The following TRAPPC9 variants were observed in gnomAD, a reference collection of about 807,000 sequenced individuals.
TRAPPC9 encodes trafficking protein particle complex subunit 9.
Under a neutral mutation model 124.0 loss-of-function variants are expected in TRAPPC9, and 83 were observed. The ratio of observed to expected loss-of-function variants is 0.67; its 90% CI spans 0.56 to 0.80. The LOEUF is 0.80. Among genes scored for constraint, TRAPPC9 ranks in the 30% least tolerant of loss-of-function variants. The pLI is 0.00. For missense variants in TRAPPC9, 1,302 were observed against 1,508.3 expected (o/e 0.86, Z 2.27); for synonymous variants, 638 against 617.5 (o/e 1.03, Z -0.49).
chr8:139,986,003 G>A (rs1394341807), intron 19 of TRAPPC9, among the ~76,000 whole-genome samples: 1 of 152,162 alleles, frequency 6.6e-6, no homozygotes, highest in Admixed American at 6.5e-5. Context: ...CCAGCACTTT[G>A]GGAGGCCGAG....
At chr8:140,057,879 G>A (rs927165298) in intron 17 of TRAPPC9, among the ~76,000 whole-genome samples, 1 of 152,218 alleles carries the variant, frequency 6.6e-6, no homozygotes, top group Non-Finnish European at 1.5e-5. Flanking sequence ...CATACATGCA[G>A]TAGGTGGCCC....
At chr8:139,853,324 G>A (rs144175748) in intron 21 of TRAPPC9, among the ~76,000 whole-genome samples, 13 of 152,292 alleles carry the variant, frequency 8.5e-5, no homozygotes, top group Admixed American at 1.3e-4. Flanking sequence ...GAGGCCAAGC[G>A]ATCAGAGGCA....
intron 16 of TRAPPC9, among the ~76,000 whole-genome samples, chr8:140,251,992 A>T (rs1310457865): frequency 2.0e-5 from 3 of 151,974 alleles, no homozygotes; most frequent in Admixed American, 1.3e-4. Context: ...CCTCCAAATG[A>T]ATGCTTCATA....
At position 140,405,658 on chromosome 8, in the gene TRAPPC9, A is replaced by G. The variant is rs1163959931; in HGVS notation, c.927T>C (p.Thr309=). The G allele has an allele frequency of 6.2e-7, 1 of 1,614,086 alleles. No homozygotes were observed. Among genetic ancestry groups the G allele is most frequent in the South Asian group, 1.1e-5 (1 of 91,092 alleles). ...GGCAGTTCTTAGCACGTCCGATCTCAGTACTGGTGTCAGGGTTGATGCCAT... is the reference window on the plus strand; with the variant it reads ...GGCAGTTCTTAGCACGTCCGATCTCGGTACTGGTGTCAGGGTTGATGCCAT... ...TTNGINPDTS[T]EIGRAKNCLS... Residue 309 remains threonine (T), a synonymous_variant, in exon 6 of 23, where the codon ACT becomes ACC. Transcript: ENST00000438773.
chr8:140,387,043 C>A (rs2068773420), intron 7 of TRAPPC9, among the ~76,000 whole-genome samples: 1 of 152,072 alleles, frequency 6.6e-6, no homozygotes, highest in Admixed American at 6.6e-5. Context: ...TTTTTACAAA[C>A]CTGACAAAAA....
chr8:139,954,056 T>C (rs1477745626), intron 19 of TRAPPC9, among the ~76,000 whole-genome samples: 2 of 152,112 alleles, frequency 1.3e-5, no homozygotes, highest in Admixed American at 6.5e-5. Flanking sequence ...TCCATCCCCA[T>C]ATTAATAGAA....
At chr8:139,899,556 A>G (rs913385578) in intron 20 of TRAPPC9, among the ~76,000 whole-genome samples, 2 of 152,122 alleles carry the variant, frequency 1.3e-5, no homozygotes, top group African/African-American at 4.8e-5. Flanking sequence ...GAAAATCTGC[A>G]TGTAAGTGGA....
intron 17 of TRAPPC9, among the ~76,000 whole-genome samples, chr8:140,071,859 G>A (rs1211762601): frequency 6.6e-6 from 1 of 152,190 alleles, no homozygotes; most frequent in Non-Finnish European, 1.5e-5. Flanking sequence ...AAGCAGTAGG[G>A]AAAAGACAAC....
At chr8:140,243,106 C>T (rs949667634) in intron 16 of TRAPPC9, among the ~76,000 whole-genome samples, 15 of 152,152 alleles carry the variant, frequency 9.9e-5, no homozygotes, top group African/African-American at 3.6e-4. Context: ...CCAGCGCCCA[C>T]AGAAAGGGAT....
intron 21 of TRAPPC9, among the ~76,000 whole-genome samples, chr8:139,846,835 G>A (rs1827118681): frequency 6.6e-6 from 1 of 152,214 alleles, no homozygotes; most frequent in African/African-American, 2.4e-5. Context: ...GGGTGAGCAG[G>A]CGCAGGTAGT....
chr8:139,738,160 C>T (rs771089697), intron 21 of TRAPPC9, among the ~76,000 whole-genome samples: 7 of 152,176 alleles, frequency 4.6e-5, no homozygotes, highest in African/African-American at 7.2e-5. Flanking sequence ...AATGCCCTAT[C>T]CCAGGGAAGC....
chr8:139,801,634 C>T (rs901809569), intron 21 of TRAPPC9, among the ~76,000 whole-genome samples: 1 of 152,192 alleles, frequency 6.6e-6, no homozygotes, highest in Non-Finnish European at 1.5e-5. Context: ...GGTTATCAAC[C>T]GGGATTCCTG....
intron 21 of TRAPPC9, chr8:139,881,157 G>T (rs941342288): frequency 1.3e-5 from 2 of 152,290 alleles, no homozygotes; most frequent in African/African-American, 4.8e-5. Context: ...CCCTCCCGAG[G>T]TTCCTCTGGT....
At chr8:140,124,567 G>T (rs1049558078) in intron 17 of TRAPPC9, among the ~76,000 whole-genome samples, 1 of 39,146 alleles carries the variant, frequency 2.6e-5, no homozygotes, top group Non-Finnish European at 5.1e-5. Context: ...ATCTTTGGGC[G>T]GGGGGGCATT....
intron 8 of TRAPPC9, among the ~76,000 whole-genome samples, chr8:140,360,892 C>T (rs2067933656): frequency 6.6e-6 from 1 of 152,174 alleles, no homozygotes; most frequent in Admixed American, 6.5e-5. Flanking sequence ...TACACACCGC[C>T]ATGCCCAACT....
At chr8:140,205,726 C>T (rs1400347376) in intron 17 of TRAPPC9, among the ~76,000 whole-genome samples, 1 of 152,186 alleles carries the variant, frequency 6.6e-6, no homozygotes, top group Non-Finnish European at 1.5e-5. Flanking sequence ...TCAGGCAGGC[C>T]TGGGCAACCT....
At chr8:140,017,380 T>C (rs886535526) in intron 18 of TRAPPC9, among the ~76,000 whole-genome samples, 1 of 152,224 alleles carries the variant, frequency 6.6e-6, no homozygotes, top group South Asian at 2.1e-4. Flanking sequence ...CTAAAATTCA[T>C]CTCCAGTGAA....
chr8:139,945,285 T>C (rs997621019), intron 19 of TRAPPC9, among the ~76,000 whole-genome samples: 7 of 152,108 alleles, frequency 4.6e-5, no homozygotes, highest in Admixed American at 1.3e-4. Flanking sequence ...TATGCTTGTA[T>C]TACCATACTG....
intron 21 of TRAPPC9, among the ~76,000 whole-genome samples, chr8:139,863,376 C>T (rs1285074754): frequency 6.6e-6 from 1 of 152,170 alleles, no homozygotes; most frequent in Admixed American, 6.5e-5. Flanking sequence ...GCACGGAGGG[C>T]CCAAAGAAGG....
Sources: allele counts gnomAD v4.1 joint callset (sites outside exome capture counted in the v4.1 genomes callset), GRCh38; gene constraint gnomAD v4.1.1; transcripts MANE v1.5; gene names NCBI Gene and HGNC (gene_info 2026-07-23, HGNC 2026-07-21).